Variants in ADGRL3 observed in about 807,000 individuals in gnomAD.
ADGRL3 encodes adhesion G protein-coupled receptor L3, also known as calcium-independent alpha-latrotoxin receptor 3.
Under a neutral mutation model 153.5 loss-of-function variants are expected in ADGRL3, and 62 were observed. The ratio of observed to expected loss-of-function variants is 0.40; its 90% CI spans 0.33 to 0.50. The LOEUF (loss-of-function observed/expected upper bound fraction) is 0.50, where lower values mean the gene tolerates loss of function less well. Among genes scored for constraint, ADGRL3 ranks in the 20% least tolerant of loss-of-function variants. ADGRL3 has a pLI of 0.47. For synonymous variants in ADGRL3, 710 were observed against 672.5 expected, an observed-to-expected ratio of 1.06 and a Z score of -0.86; for missense variants, 1,641 against 1,859.4, an observed-to-expected ratio of 0.88 and a Z score of 2.16.
At chr4:61,799,038 T>TATATATAC (rs1411460409) in intron 8 of ADGRL3, among the ~76,000 whole-genome samples, 38 of 115,708 alleles carry the variant, frequency 3.3e-4, no homozygotes, top group African/African-American at 1.3e-3. Context: ...TATATATATA[T>TATATATAC]ACCATATATT....
intron 9 of ADGRL3, among the ~76,000 whole-genome samples, chr4:61,844,123 G>A (rs2098077565): frequency 1.3e-5 from 2 of 151,180 alleles, no homozygotes; most frequent in Admixed American, 6.6e-5. Flanking sequence ...TATATTTTGT[G>A]TTTTCTGTTT....
intron 6 of ADGRL3, among the ~76,000 whole-genome samples, chr4:61,696,156 C>G (rs1289486990): frequency 1.3e-5 from 2 of 152,136 alleles, no homozygotes; most frequent in Non-Finnish European, 2.9e-5. Context: ...AAAACTTTTT[C>G]TTTGTATTCA....
intron 6 of ADGRL3, among the ~76,000 whole-genome samples, chr4:61,678,745 T>C (rs527522712): frequency 2.4e-4 from 36 of 152,176 alleles, no homozygotes; most frequent in Non-Finnish European, 4.0e-4. Flanking sequence ...ATACACTCAG[T>C]TATACTCACT....
intron 1 of ADGRL3, among the ~76,000 whole-genome samples, chr4:61,269,403 T>A (rs2093034067): frequency 6.6e-6 from 1 of 151,702 alleles, no homozygotes; most frequent in Non-Finnish European, 1.5e-5. Flanking sequence ...CGCATGTGTT[T>A]CAAGTTTGAG....
At chr4:61,976,045 G>A (rs1361083821) in intron 17 of ADGRL3, among the ~76,000 whole-genome samples, 1 of 152,122 alleles carries the variant, frequency 6.6e-6, no homozygotes, top group Non-Finnish European at 1.5e-5. Flanking sequence ...CCTAATAGAA[G>A]TGGGAATATA....
At chr4:61,820,323 T>C (rs578246366) in intron 9 of ADGRL3, among the ~76,000 whole-genome samples, 5 of 152,328 alleles carry the variant, frequency 3.3e-5, no homozygotes, top group Admixed American at 2.0e-4. Flanking sequence ...GATGGCTTTA[T>C]GTGCATTCTT....
intron 19 of ADGRL3, among the ~76,000 whole-genome samples, chr4:61,990,260 G>T (rs2099099168): frequency 6.6e-6 from 1 of 151,868 alleles, no homozygotes; most frequent in Non-Finnish European, 1.5e-5. Flanking sequence ...AAATTATTAT[G>T]TTAAGTGACT....
chr4:61,929,348 T>A (rs1212891050), intron 13 of ADGRL3, among the ~76,000 whole-genome samples: 3 of 152,114 alleles, frequency 2.0e-5, no homozygotes, highest in African/African-American at 7.2e-5. Flanking sequence ...ATTTCTGTGG[T>A]TTATAAAATT....
chr4:61,902,463 T>C (rs1344864818), intron 11 of ADGRL3, among the ~76,000 whole-genome samples: 7 of 152,154 alleles, frequency 4.6e-5, no homozygotes, highest in Admixed American at 4.6e-4. Context: ...TTCCCCTGAA[T>C]TTGACTTCAA....
intron 6 of ADGRL3, among the ~76,000 whole-genome samples, chr4:61,701,136 A>C (rs533574874): frequency 1.3e-5 from 2 of 152,168 alleles, no homozygotes; most frequent in Admixed American, 1.3e-4. Context: ...GAGAACAAAA[A>C]GTTGTAAAAT....
At chr4:62,066,673 C>G (rs1180099756) in intron 25 of ADGRL3, among the ~76,000 whole-genome samples, 1 of 151,968 alleles carries the variant, frequency 6.6e-6, no homozygotes, top group Non-Finnish European at 1.5e-5. Context: ...TAATTTAATT[C>G]AATTCTAAAG....
intron 21 of ADGRL3, among the ~76,000 whole-genome samples, chr4:62,028,276 A>G (rs1205260975): frequency 6.6e-6 from 1 of 151,828 alleles, no homozygotes; most frequent in Non-Finnish European, 1.5e-5. Context: ...CTATTACTAC[A>G]AAAGATTATT....
At chr4:61,394,768 G>T (rs1005217564) in intron 2 of ADGRL3, among the ~76,000 whole-genome samples, 2 of 151,982 alleles carry the variant, frequency 1.3e-5, no homozygotes, top group Non-Finnish European at 2.9e-5. Context: ...TAGCTAAAAT[G>T]TTTATTCACA....
At chr4:61,615,440 A>G (rs567814691) in intron 5 of ADGRL3, among the ~76,000 whole-genome samples, 2 of 152,208 alleles carry the variant, frequency 1.3e-5, no homozygotes, top group South Asian at 4.1e-4. Flanking sequence ...GCCTTGCAAT[A>G]TTAAGGGGAA....
chr4:61,438,643 T>G (rs1418063933), intron 2 of ADGRL3, among the ~76,000 whole-genome samples: 1 of 151,858 alleles, frequency 6.6e-6, no homozygotes, highest in East Asian at 1.9e-4. Flanking sequence ...AAGTGTTAAA[T>G]ATTAGTTGAA....
intron 4 of ADGRL3, among the ~76,000 whole-genome samples, chr4:61,566,572 G>T (rs2098817171): frequency 2.0e-5 from 3 of 152,032 alleles, no homozygotes. Context: ...CCTTTTCGTG[G>T]TATCTGTGGT....
chr4:62,016,433 C>A (rs1030729224), intron 21 of ADGRL3, among the ~76,000 whole-genome samples: 2 of 152,164 alleles, frequency 1.3e-5, no homozygotes, highest in Admixed American at 6.5e-5. Context: ...TTTTCCATTT[C>A]TTTATGTAAT....
intron 5 of ADGRL3, among the ~76,000 whole-genome samples, chr4:61,646,227 T>G (rs1339366321): frequency 6.6e-6 from 1 of 152,166 alleles, no homozygotes; most frequent in Non-Finnish European, 1.5e-5. Flanking sequence ...GCCTTTGGTT[T>G]GAATGTCCTC....
chr4:61,461,278 T>C (rs1240375283), intron 2 of ADGRL3, among the ~76,000 whole-genome samples: 3 of 152,232 alleles, frequency 2.0e-5, no homozygotes, highest in South Asian at 2.1e-4. Flanking sequence ...AACAGTTAGA[T>C]AGAAGTAATA....
Sources: gnomAD v4.1 joint callset for allele counts (sites outside exome capture counted in the v4.1 genomes callset) on GRCh38, gnomAD v4.1.1 for gene constraint, MANE v1.5 for transcripts, NCBI Gene and HGNC (gene_info 2026-07-23, HGNC 2026-07-21) for gene names.